The following RAD54L2 variants were observed in gnomAD, a reference collection of about 807,000 sequenced individuals.
RAD54L2 encodes RAD54 like 2, also known as helicase ARIP4.
Under a neutral mutation model 138.4 loss-of-function variants are expected in RAD54L2, and 27 were observed. The ratio of observed to expected loss-of-function variants is 0.20; its 90% confidence interval spans 0.14 to 0.27. The LOEUF is 0.27. Ranked by LOEUF, RAD54L2 falls within the 10% of genes least tolerant of loss-of-function variation. The pLI, the probability that RAD54L2 is intolerant of heterozygous loss-of-function variation, is 1.00. For missense variants in RAD54L2, 1,396 were observed against 1,890.2 expected (o/e 0.74, Z 4.85); for synonymous variants, 644 against 723.2 (o/e 0.89, Z 1.76).
intron 3 of RAD54L2, among the ~76,000 whole-genome samples, chr3:51,611,830 A>G (rs1325592268): frequency 6.6e-6 from 1 of 152,048 alleles, no homozygotes; most frequent in East Asian, 1.9e-4. Flanking sequence ...TGCTGGGATT[A>G]CAGGTGTGAG....
chr3:51,665,495 T>A lies in RAD54L2; in HGVS notation c.*2075T>A, dbSNP rs935809364. On this transcript the variant is annotated 3_prime_UTR_variant, in exon 23 of 23. Coordinates refer to ENST00000684192, the MANE Select transcript of RAD54L2 (RefSeq NM_015106.4). ...CACCAAAAGTGGAACTTAAGAAGCT[T>A]TGTGTTTTCATAAGCACCCTGCCAG... 5 of 152,208 alleles carry A rather than the reference T, an allele frequency of 3.3e-5. No individual in the cohort carries two copies. The highest frequency in any genetic ancestry group is 6.5e-5 in the Admixed American group (1 of 15,280). 9.4% of individuals were successfully genotyped at this position (152,208 alleles called of 1,614,324 possible).
intron 3 of RAD54L2, among the ~76,000 whole-genome samples, chr3:51,615,063 TA>T (rs796818780): frequency 6.6e-6 from 1 of 152,224 alleles, no homozygotes; most frequent in South Asian, 2.1e-4. Flanking sequence ...GCCCAGGCTG[TA>T]GTGCAATGGC....
chr3:51,626,788 C>T (rs1316615826), intron 3 of RAD54L2, among the ~76,000 whole-genome samples: 1 of 152,076 alleles, frequency 6.6e-6, no homozygotes, highest in African/African-American at 2.4e-5. Context: ...TTCTGCTTAT[C>T]TTTCAAGGCC....
rs752227890 is a variant in RAD54L2, at chr3:51,613,765, C to CAA, written c.140-13770_140-13769dup. 2.0e-4 allele frequency among the ~76,000 whole-genome samples: 11 copies of CAA among 56,126 alleles called. No homozygotes were observed. The South Asian group carries it at 2.7e-3, about 14-fold the overall frequency. 36.8% of individuals were successfully genotyped at this position (56,126 alleles called of 152,430 possible). A position where few individuals can be genotyped will look rare whatever the true frequency, so the allele number is the denominator to read the frequency against. On this transcript the variant is annotated intron_variant, in intron 3 of 22. Coordinates refer to ENST00000684192, the MANE Select transcript of RAD54L2 (RefSeq NM_015106.4). ...GGGCGATAGAGTGAGACTCTGTCTCCAAAAAAAAAAAAAAAAAAAGGTACG... is the reference window on the plus strand; with the variant it reads ...GGGCGATAGAGTGAGACTCTGTCTCCAAAAAAAAAAAAAAAAAAAAAGGTACG...
At position 51,626,742 on chromosome 3, in the gene RAD54L2, G is replaced by A. The variant is rs149864361; in HGVS notation, c.140-811G>A. ...TTACAGGCATGAGCCACCGCGCCCA[G>A]CCCCCAACTATCTTTTAAGGCATTA... On this transcript the variant is annotated intron_variant, in intron 3 of 22. Transcript: ENST00000684192. 5.1e-3 allele frequency among the ~76,000 whole-genome samples: 776 copies of A among 152,022 alleles called. 5 individuals carry two copies. The highest frequency in any genetic ancestry group is 0.017 in the African/African-American group (723 of 41,462).
At chr3:51,632,553 C>T (rs1003084080) in intron 7 of RAD54L2, among the ~76,000 whole-genome samples, 2 of 151,070 alleles carry the variant, frequency 1.3e-5, no homozygotes, top group Admixed American at 1.3e-4. Flanking sequence ...CCTTGGCCTC[C>T]CAAAGCGCCA....
intron 2 of RAD54L2, among the ~76,000 whole-genome samples, chr3:51,585,337 AG>A (rs1221236235): frequency 1.3e-5 from 2 of 152,314 alleles, no homozygotes; most frequent in East Asian, 3.9e-4. Flanking sequence ...GATGCTATCA[AG>A]GACCATAATG....
At chr3:51,607,250 T>C (rs1377548738) in intron 3 of RAD54L2, among the ~76,000 whole-genome samples, 2 of 151,842 alleles carry the variant, frequency 1.3e-5, no homozygotes, top group Non-Finnish European at 2.9e-5. Flanking sequence ...CAGAGGGCCC[T>C]GCCGCCTTCC....
chr3:51,610,733 C>T (rs1182397836), intron 3 of RAD54L2, among the ~76,000 whole-genome samples: 1 of 152,070 alleles, frequency 6.6e-6, no homozygotes, highest in Admixed American at 6.5e-5. Context: ...CTCCAACTCT[C>T]AGCTCCCAGG....
intron 2 of RAD54L2, among the ~76,000 whole-genome samples, chr3:51,544,062 T>C (rs1376570478): frequency 3.3e-5 from 5 of 152,126 alleles, no homozygotes; most frequent in African/African-American, 1.2e-4. Flanking sequence ...TTTTACCATG[T>C]TTTGGTGTTT....
intron 3 of RAD54L2, among the ~76,000 whole-genome samples, chr3:51,596,387 G>A (rs1577412211): frequency 6.6e-6 from 1 of 151,824 alleles, no homozygotes; most frequent in South Asian, 2.1e-4. Flanking sequence ...GTAGTTTCTT[G>A]TCCTCCTGCA....
chr3:51,662,454 A>G lies in RAD54L2; in HGVS notation c.3438A>G (p.Thr1146=), dbSNP rs1577474610. Reference sequence around the variant, plus strand: ...CCCAGGGACCTTCTTGCGAGTCCACAAGCAACGGCAGACACAGTGCCTCAT... The same window carrying G: ...CCCAGGGACCTTCTTGCGAGTCCACGAGCAACGGCAGACACAGTGCCTCAT... ...SGSQGPSCES[T]SNGRHSASSP... Residue 1146 remains threonine, a synonymous_variant, in exon 23 of 23, where the codon ACA becomes ACG. Coordinates refer to ENST00000684192, the MANE Select transcript of RAD54L2 (RefSeq NM_015106.4). This position sits in a 1 kb window ranked among gnomAD's most constrained non-coding sequence, Gnocchi z 4.6. The G allele has an allele frequency of 6.5e-7, 1 of 1,539,254 alleles. No individual in the cohort carries two copies. The highest frequency in any genetic ancestry group is 8.8e-7 in the Non-Finnish European group (1 of 1,142,560).
intron 20 of RAD54L2, among the ~76,000 whole-genome samples, chr3:51,656,881 G>A (rs138837175): frequency 3.3e-5 from 5 of 152,026 alleles, no homozygotes; most frequent in East Asian, 3.9e-4. Context: ...AATTACAGGC[G>A]TGTGCCACTA....
intron 2 of RAD54L2, among the ~76,000 whole-genome samples, chr3:51,575,076 T>A (rs1164019842): frequency 5.3e-5 from 8 of 152,240 alleles, no homozygotes; most frequent in Non-Finnish European, 1.0e-4. Context: ...GCTAGCCAGT[T>A]TTCCCAGCAC....
At chr3:51,615,651 T>A (rs1040272900) in intron 3 of RAD54L2, among the ~76,000 whole-genome samples, 1 of 152,174 alleles carries the variant, frequency 6.6e-6, no homozygotes, top group Non-Finnish European at 1.5e-5. Context: ...ATGACAAATG[T>A]TTGATCAAAT....
chr3:51,624,769 A>G (rs1700640494), intron 3 of RAD54L2, among the ~76,000 whole-genome samples: 4 of 152,196 alleles, frequency 2.6e-5, no homozygotes, highest in Admixed American at 2.0e-4. Flanking sequence ...TTTGAACTTC[A>G]TGCTGTTCTA....
intron 2 of RAD54L2, among the ~76,000 whole-genome samples, chr3:51,552,801 C>G (rs918218334): frequency 1.3e-5 from 2 of 151,936 alleles, no homozygotes; most frequent in Non-Finnish European, 2.9e-5. Flanking sequence ...CTCAAACAGT[C>G]CTCCCCACTT....
At chr3:51,634,114 GAGTGTGTAGCC>G (rs1201313225) in intron 9 of RAD54L2, 79 bp downstream of exon 9, 2 of 1,515,024 alleles carry the variant, frequency 1.3e-6, no homozygotes, top group East Asian at 2.3e-5. Flanking sequence ...CAGTCTCTTT[GAGTGTGTAGCC>G]TGTGCATCTA....
chr3:51,567,253 A>G (rs1255324269), intron 2 of RAD54L2, among the ~76,000 whole-genome samples: 2 of 152,186 alleles, frequency 1.3e-5, no homozygotes, highest in Non-Finnish European at 2.9e-5. Flanking sequence ...GAATCATTTA[A>G]AAAGGACAGT....
Sources: gnomAD v4.1 joint callset for allele counts (sites outside exome capture counted in the v4.1 genomes callset) on GRCh38, gnomAD v4.1.1 for gene constraint, Gnocchi (gnomAD v3.1) non-coding constraint, MANE v1.5 for transcripts, NCBI Gene and HGNC (gene_info 2026-07-23, HGNC 2026-07-21) for gene names.